The following KCNT2 variants were observed in gnomAD, a reference collection of about 807,000 sequenced individuals.
KCNT2 encodes the protein potassium sodium-activated channel subfamily T member 2.
In KCNT2, 67 loss-of-function variants were observed where a neutral mutation model predicts 153.8. That is an observed-to-expected ratio of 0.44 (90% CI 0.36 to 0.53). The LOEUF is 0.53. KCNT2 is among the 20% of genes least tolerant of loss of function. The pLI, the probability that KCNT2 is intolerant of heterozygous loss-of-function variation, is 0.00. For missense variants in KCNT2, 975 were observed against 1,354.8 expected (o/e 0.72, Z 4.40); for synonymous variants, 500 against 458.8 (o/e 1.09, Z -1.15).
chr1:196,404,867 T>C (rs553594182), intron 12 of KCNT2, among the ~76,000 whole-genome samples: 13 of 151,780 alleles, frequency 8.6e-5, no homozygotes, highest in African/African-American at 2.9e-4. Context: ...ATATTGATAG[T>C]GTGAACATTA....
chr1:196,236,291 A>G (rs189565091), intron 26 of KCNT2, among the ~76,000 whole-genome samples: 39 of 151,670 alleles, frequency 2.6e-4, no homozygotes, highest in Non-Finnish European at 4.3e-4. Flanking sequence ...ATAACAATAA[A>G]GTATCTAATT....
At chr1:196,347,079 G>A (rs924949969) in intron 14 of KCNT2, among the ~76,000 whole-genome samples, 1 of 152,080 alleles carries the variant, frequency 6.6e-6, no homozygotes, top group African/African-American at 2.4e-5. Flanking sequence ...TGGCTAAAAA[G>A]CCAGCACTTT....
intron 25 of KCNT2, among the ~76,000 whole-genome samples, chr1:196,260,963 C>T (rs1348391083): frequency 2.0e-5 from 3 of 151,652 alleles, no homozygotes; most frequent in African/African-American, 4.8e-5. Context: ...TAAAATGATC[C>T]ACAATATCAA....
Position 196,236,007 on chromosome 1 carries a change from C to A in KCNT2, c.3275G>T (p.Arg1092Ile). 4.4e-6 allele frequency: 7 copies of A among 1,597,794 alleles called. No homozygotes were observed. Among genetic ancestry groups the A allele is most frequent in the Non-Finnish European group, 6.0e-6 (7 of 1,166,286 alleles). Residue 1092 changes from arginine (R) to isoleucine (I), a missense_variant, in exon 27 of 28, where the codon AGA (arginine) becomes ATA (isoleucine). Transcript: ENST00000294725. Reference sequence around the variant, plus strand: ...TTACACAACATCATTCAGCTCTATTCTGGTATCTGGAGATGGGTTAATCAG... The same window carrying A: ...TTACACAACATCATTCAGCTCTATTATGGTATCTGGAGATGGGTTAATCAG... ...YILINPSPDTRIELNDVVYLI... is the reference protein window; with the variant it reads ...YILINPSPDTIIELNDVVYLI...
chr1:196,448,632 T>A (rs990179766), intron 8 of KCNT2, among the ~76,000 whole-genome samples: 1 of 151,636 alleles, frequency 6.6e-6, no homozygotes, highest in Non-Finnish European at 1.5e-5. Flanking sequence ...GTTATAATAA[T>A]CCAATTTCAT....
At chr1:196,563,459 A>G (rs990330134) in intron 1 of KCNT2, among the ~76,000 whole-genome samples, 1 of 46,380 alleles carries the variant, frequency 2.2e-5, no homozygotes, top group Non-Finnish European at 4.1e-5. Context: ...AAGAAAAAAG[A>G]AAAAAAAAAA....
chr1:196,476,752 C>T (rs764068873), intron 5 of KCNT2, among the ~76,000 whole-genome samples: 3 of 152,110 alleles, frequency 2.0e-5, no homozygotes, highest in Admixed American at 1.3e-4. Context: ...TTCACTCCTG[C>T]CTTGTACTTT....
At chr1:196,552,364 T>G (rs1658028375) in intron 1 of KCNT2, among the ~76,000 whole-genome samples, 1 of 151,384 alleles carries the variant, frequency 6.6e-6, no homozygotes, top group African/African-American at 2.4e-5. Context: ...TTTATAATAG[T>G]GCATGAAAAC....
At chr1:196,290,594 A>G (rs1475403258) in intron 22 of KCNT2, among the ~76,000 whole-genome samples, 2 of 151,826 alleles carry the variant, frequency 1.3e-5, no homozygotes, top group Non-Finnish European at 1.5e-5. Flanking sequence ...ACACACACAC[A>G]TATATTTCAT....
intron 1 of KCNT2, among the ~76,000 whole-genome samples, chr1:196,605,428 GC>G (rs958780983): frequency 5.9e-5 from 9 of 152,166 alleles, no homozygotes. Context: ...GAGCAAGGAA[GC>G]AAAAGTATTG....
rs1357719301 is a variant in KCNT2 at position 196,519,303 on chromosome 1, A to G, written c.96-26962T>C. Among the ~76,000 whole-genome samples the G allele has an allele frequency of 3.3e-5, 5 of 152,278 alleles. No homozygotes were observed. In the East Asian group the frequency reaches 5.8e-4, roughly 18 times the overall value. ...CTGAGACACAGCTAAGGCAGTGTTA[A>G]GAGGGAAATTTATAGCATTAAACGC... On this transcript the variant is annotated intron_variant, in intron 1 of 27. Coordinates refer to ENST00000294725, the MANE Select transcript of KCNT2 (RefSeq NM_198503.5).
At chr1:196,284,656 A>C (rs1046762948) in intron 23 of KCNT2, among the ~76,000 whole-genome samples, 1 of 151,848 alleles carries the variant, frequency 6.6e-6, no homozygotes, top group African/African-American at 2.4e-5. Flanking sequence ...TTGGAGTGGG[A>C]GCCCTGCCTC....
At chr1:196,316,054 A>G in intron 20 of KCNT2, 28 bp from the exon 21 acceptor site, 2 of 1,600,506 alleles carry the variant, frequency 1.2e-6, no homozygotes, top group Non-Finnish European at 1.7e-6. Context: ...AGAGAAAAAC[A>G]AACATTAAAT....
At chr1:196,424,120 C>T (rs1673444864) in intron 11 of KCNT2, among the ~76,000 whole-genome samples, 1 of 151,782 alleles carries the variant, frequency 6.6e-6, no homozygotes, top group Non-Finnish European at 1.5e-5. Context: ...TCATTCCCTT[C>T]CCTTTTCTTT....
intron 25 of KCNT2, among the ~76,000 whole-genome samples, chr1:196,274,377 A>G (rs1333831967): frequency 1.3e-5 from 2 of 151,818 alleles, no homozygotes; most frequent in East Asian, 1.9e-4. Context: ...AACTGAAAAT[A>G]TAAGAAATGC....
At position 196,425,880 on chromosome 1, in the gene KCNT2, G is replaced by C; in HGVS notation, c.1093C>G (p.Leu365Val). 6.2e-7 allele frequency: 1 copy of C among 1,612,488 alleles called. No homozygotes were observed. Among genetic ancestry groups the C allele is most frequent in the Non-Finnish European group, 8.5e-7 (1 of 1,178,990 alleles). Residue 365 changes from leucine to valine, a missense_variant, in exon 11 of 28, where the codon CTT (leucine) becomes GTT (valine). Transcript: ENST00000294725. ...GCTCTCAATAGGTCTTGATCTTTAA[G>C]GGCTGAACCTTGAAGGTAGATAACT... The part of the protein sequence containing the change: ...QRVIYLQGSA[L>V]KDQDLLRAKM...
chr1:196,390,899 T>TC (rs1558233500), intron 13 of KCNT2, among the ~76,000 whole-genome samples: 3 of 148,862 alleles, frequency 2.0e-5, no homozygotes, highest in African/African-American at 7.4e-5. Context: ...TCTTTTTTTT[T>TC]TTTTTTTTTA....
chr1:196,265,058 T>A (rs1299232206), intron 25 of KCNT2, among the ~76,000 whole-genome samples: 1 of 152,156 alleles, frequency 6.6e-6, no homozygotes, highest in Non-Finnish European at 1.5e-5. Flanking sequence ...TTATATGAGT[T>A]GTAGCCCTTT....
At chr1:196,480,154 T>G (rs1000413409) in intron 4 of KCNT2, among the ~76,000 whole-genome samples, 1 of 152,200 alleles carries the variant, frequency 6.6e-6, no homozygotes, top group African/African-American at 2.4e-5. Context: ...TGTTAAATAC[T>G]CTACAACCTT....
Sources: allele counts gnomAD v4.1 joint callset (sites outside exome capture counted in the v4.1 genomes callset), GRCh38; gene constraint gnomAD v4.1.1; transcripts MANE v1.5; gene names NCBI Gene and HGNC (gene_info 2026-07-23, HGNC 2026-07-21).